The following FBXL17 variants were observed in gnomAD, a reference collection of about 807,000 sequenced individuals.
The protein encoded by FBXL17 is F-box and leucine rich repeat protein 17.
A neutral mutation model predicts 66.2 loss-of-function variants in FBXL17; 22 were observed. The observed-to-expected ratio is 0.33, with a 90% CI of 0.24 to 0.47. The LOEUF is 0.47. FBXL17 is among the 20% of genes least tolerant of loss of function. The pLI, the probability that FBXL17 is intolerant of heterozygous loss-of-function variation, is 1.00. For missense variants in FBXL17, 878 were observed against 948.2 expected (o/e 0.93, Z 0.97); for synonymous variants, 474 against 400.5 (o/e 1.18, Z -2.19).
intron 7 of FBXL17, among the ~76,000 whole-genome samples, chr5:107,992,286 A>C (rs142759662): frequency 2.0e-5 from 3 of 152,334 alleles, no homozygotes; most frequent in African/African-American, 4.8e-5. Context: ...TTATGGAAAG[A>C]AAACATATCA....
At chr5:108,355,797 A>G (rs1003301164) in intron 3 of FBXL17, among the ~76,000 whole-genome samples, 1 of 152,216 alleles carries the variant, frequency 6.6e-6, no homozygotes. Flanking sequence ...CAAAAGGCAG[A>G]AAAAGTATGG....
chr5:108,205,425 A>G (rs547363283), intron 5 of FBXL17, among the ~76,000 whole-genome samples: 17 of 152,264 alleles, frequency 1.1e-4, no homozygotes, highest in African/African-American at 4.1e-4. Context: ...TCATTCAATG[A>G]CCACTTCACA....
intron 4 of FBXL17, among the ~76,000 whole-genome samples, chr5:108,288,370 G>GA (rs922192447): frequency 7.3e-5 from 11 of 151,224 alleles, no homozygotes; most frequent in South Asian, 2.1e-4. Context: ...ACATGCTATT[G>GA]AAAAAAATGG....
intron 7 of FBXL17, among the ~76,000 whole-genome samples, chr5:107,907,081 T>C (rs546772708): frequency 1.3e-5 from 2 of 152,298 alleles, no homozygotes; most frequent in South Asian, 2.1e-4. Context: ...TAGTAATTCA[T>C]TGATGAATGG....
intron 7 of FBXL17, among the ~76,000 whole-genome samples, chr5:107,898,744 G>C (rs958250593): frequency 6.6e-6 from 1 of 152,104 alleles, no homozygotes; most frequent in East Asian, 1.9e-4. Flanking sequence ...TCCTGTGATA[G>C]TTTGCTGAGA....
At chr5:108,248,221 GCAAA>G (rs1243236009) in intron 4 of FBXL17, among the ~76,000 whole-genome samples, 8 of 152,042 alleles carry the variant, frequency 5.3e-5, no homozygotes, top group African/African-American at 1.2e-4. Context: ...CATACTTGAA[GCAAA>G]CAAACAAACA....
At chr5:108,259,986 A>G (rs111840389) in intron 4 of FBXL17, among the ~76,000 whole-genome samples, 2 of 151,936 alleles carry the variant, frequency 1.3e-5, no homozygotes, top group African/African-American at 2.4e-5. Context: ...ATACTGGAGA[A>G]ACTAGCTTAG....
intron 7 of FBXL17, among the ~76,000 whole-genome samples, chr5:107,983,391 G>C (rs993015001): frequency 6.6e-6 from 1 of 151,612 alleles, no homozygotes; most frequent in South Asian, 2.1e-4. Context: ...ACAAGGTCTT[G>C]CTATGTTGCC....
intron 7 of FBXL17, among the ~76,000 whole-genome samples, chr5:108,009,259 TTTTA>T (rs1462421451): frequency 9.9e-5 from 1 of 10,088 alleles, no homozygotes; most frequent in African/African-American, 2.8e-4. Context: ...TTGTTCCCTG[TTTTA>T]TATATATATA....
At chr5:108,076,240 T>C (rs1012710824) in intron 6 of FBXL17, among the ~76,000 whole-genome samples, 1 of 152,166 alleles carries the variant, frequency 6.6e-6, no homozygotes, top group Non-Finnish European at 1.5e-5. Flanking sequence ...CAAGTGACCA[T>C]AGTAAGGCCT....
chr5:108,243,566 G>C (rs1034914501), intron 4 of FBXL17, among the ~76,000 whole-genome samples: 1 of 152,142 alleles, frequency 6.6e-6, no homozygotes, highest in East Asian at 1.9e-4. Flanking sequence ...GATTATACGT[G>C]AGCCTAGTAG....
chr5:107,964,478 C>T (rs879778334), intron 7 of FBXL17, among the ~76,000 whole-genome samples: 2 of 152,000 alleles, frequency 1.3e-5, no homozygotes, highest in Non-Finnish European at 2.9e-5. Flanking sequence ...AAATGTAACA[C>T]AAATATCCAA....
At chr5:108,041,435 G>C (rs902249533) in intron 6 of FBXL17, among the ~76,000 whole-genome samples, 2 of 151,816 alleles carry the variant, frequency 1.3e-5, no homozygotes, top group Non-Finnish European at 2.9e-5. Context: ...TTTTGTTTTT[G>C]AGACAAGGTC....
In FBXL17 at chr5:108,173,801, A is replaced by G. The variant is rs371929201; in HGVS notation, c.1745+12316T>C. Among the ~76,000 whole-genome samples the G allele has an allele frequency of 9.0e-4, 137 of 152,342 alleles. 2 individuals carry two copies. In the South Asian group the frequency reaches 0.027, roughly 30 times the overall value. On this transcript the variant is annotated intron_variant, in intron 6 of 8. Coordinates refer to ENST00000542267, the MANE Select transcript of FBXL17 (RefSeq NM_001163315.3). ...TGGTATTTCTACATTTCCTAACAAGAAATTGATCCCTAAAATTGTCATTCT... is the reference window on the plus strand; with the variant it reads ...TGGTATTTCTACATTTCCTAACAAGGAATTGATCCCTAAAATTGTCATTCT...
chr5:108,045,467 T>C lies in FBXL17; in HGVS notation c.1746-24466A>G, dbSNP rs199955491. ...AAAATAATAATAATAATAATAACAA[T>C]AATAATTTCTTTCCTTCTGCTAGTG... is the stretch of plus-strand genomic sequence containing the variant. On this transcript the variant is annotated intron_variant, in intron 6 of 8. Transcript: ENST00000542267. Among the ~76,000 whole-genome samples, 18 of 72,702 alleles carry C rather than the reference T, an allele frequency of 2.5e-4. No individual in the cohort carries two copies. The Admixed American group carries it at 2.5e-3, about 10-fold the overall frequency. 47.7% of individuals were successfully genotyped at this position (72,702 alleles called of 152,430 possible).
At position 108,381,896 on chromosome 5, in the gene FBXL17, T is replaced by G; in HGVS notation, c.-205A>C. 1 of 1,281,852 alleles carries G rather than the reference T, an allele frequency of 7.8e-7. No individual in the cohort carries two copies. 79.4% of individuals were successfully genotyped at this position (1,281,852 alleles called of 1,614,324 possible). A position where few individuals can be genotyped will look rare whatever the true frequency, so the allele number is the denominator to read the frequency against. On this transcript the variant is annotated 5_prime_UTR_variant, in exon 1 of 9. It removes an upstream start codon present in the reference 5' UTR. Coordinates refer to ENST00000542267, the MANE Select transcript of FBXL17 (RefSeq NM_001163315.3). ...GCCGGAGTGCCCGACGGGGGCTACA[T>G]GCTTTGCCCAGGGAAGCCGGGAGAA...
chr5:108,013,159 T>C (rs952850796), intron 7 of FBXL17, among the ~76,000 whole-genome samples: 1 of 152,198 alleles, frequency 6.6e-6, no homozygotes, highest in Admixed American at 6.5e-5. Flanking sequence ...ATTTCACTTA[T>C]TTCTAATTTA....
At chr5:107,913,842 G>A (rs1318698710) in intron 7 of FBXL17, among the ~76,000 whole-genome samples, 1 of 152,058 alleles carries the variant, frequency 6.6e-6, no homozygotes, top group Non-Finnish European at 1.5e-5. Flanking sequence ...GGCCAAACCA[G>A]GGCAATTTTA....
intron 5 of FBXL17, among the ~76,000 whole-genome samples, chr5:108,205,489 T>C (rs1042595555): frequency 1.3e-5 from 2 of 152,334 alleles, no homozygotes; most frequent in African/African-American, 2.4e-5. Flanking sequence ...GTTTTGTTAC[T>C]GTCAGGATTC....
Sources: allele counts gnomAD v4.1 joint callset (sites outside exome capture counted in the v4.1 genomes callset), GRCh38; gene constraint gnomAD v4.1.1; transcripts MANE v1.5; gene names NCBI Gene and HGNC (gene_info 2026-07-23, HGNC 2026-07-21).